C13orf42: variants seen among roughly 807,000 people sequenced by gnomAD.
C13orf42 encodes chromosome 13 open reading frame 42.
intron 1 of C13orf42, among the ~76,000 whole-genome samples, chr13:51,099,340 G>C (rs1170991350): frequency 6.6e-6 from 1 of 151,958 alleles, no homozygotes; most frequent in East Asian, 1.9e-4. Flanking sequence ...AAATACATAG[G>C]CACACATAGC....
chr13:51,139,147 T>C (rs920623655), intron 1 of C13orf42, among the ~76,000 whole-genome samples: 6 of 151,944 alleles, frequency 3.9e-5, no homozygotes, highest in Admixed American at 3.3e-4. Flanking sequence ...TGAAACCCCG[T>C]CTCTACTAAA....
At position 51,132,214 on chromosome 13, in the gene C13orf42, G is replaced by A. The variant is rs965135508; in HGVS notation, n.137-18992C>T. On this transcript the variant is annotated intron_variant and non_coding_transcript_variant, in intron 1 of 4. Transcript: ENST00000433280. ...TCCCAGCACTTTGGGAGGCCGAGGCGGGCAGATCACAAGGTCAGGAGATCG... is the reference window on the plus strand; with the variant it reads ...TCCCAGCACTTTGGGAGGCCGAGGCAGGCAGATCACAAGGTCAGGAGATCG... Among the ~76,000 whole-genome samples, 14 of 152,228 alleles carry A rather than the reference G, an allele frequency of 9.2e-5. No homozygotes were observed. The East Asian group carries it at 1.4e-3, about 15-fold the overall frequency.
intron 1 of C13orf42, among the ~76,000 whole-genome samples, chr13:51,096,754 A>G (rs1325277548): frequency 3.9e-5 from 6 of 152,132 alleles, no homozygotes; most frequent in Non-Finnish European, 8.8e-5. Flanking sequence ...TGACTTCGTA[A>G]TTTGTTAGAT....
At chr13:51,117,816 G>A (rs1953504244) in intron 1 of C13orf42, among the ~76,000 whole-genome samples, 1 of 152,158 alleles carries the variant, frequency 6.6e-6, no homozygotes, top group Admixed American at 6.5e-5. Context: ...ACAGTGCAGA[G>A]GAAGCTAATC....
upstream of C13orf42, among the ~76,000 whole-genome samples, chr13:51,113,472 G>C (rs1953454626): frequency 6.6e-6 from 1 of 152,304 alleles, no homozygotes; most frequent in South Asian, 2.1e-4. Flanking sequence ...ATCCAGAATA[G>C]TGACTGCCTT....
rs192078813 is a variant in C13orf42 at position 51,145,249 on chromosome 13, T to G, written n.136+27004A>C. On this transcript the variant is annotated intron_variant and non_coding_transcript_variant, in intron 1 of 4. Transcript: ENST00000433280. ...CTTAAGCTTCAGAAGAAAATAACAGTAACCTATTTACATACATAAGCCACT... is the reference window on the plus strand; with the variant it reads ...CTTAAGCTTCAGAAGAAAATAACAGGAACCTATTTACATACATAAGCCACT... Among the ~76,000 whole-genome samples the G allele has an allele frequency of 7.5e-3, 1,141 of 152,320 alleles. 12 individuals carry two copies. The highest frequency in any genetic ancestry group is 0.013 in the South Asian group (65 of 4,828).
At chr13:51,091,248 C>A (rs1398611261) in intron 1 of C13orf42, among the ~76,000 whole-genome samples, 2 of 152,146 alleles carry the variant, frequency 1.3e-5, no homozygotes, top group Non-Finnish European at 2.9e-5. Flanking sequence ...TCTTTTGGAT[C>A]CTGCTGTGGC....
intron 1 of C13orf42, among the ~76,000 whole-genome samples, chr13:51,151,951 G>T (rs183996821): frequency 3.9e-5 from 6 of 152,284 alleles, no homozygotes; most frequent in Non-Finnish European, 7.4e-5. Flanking sequence ...TATGGTCCAG[G>T]AGTCACGTGG....
At chr13:51,144,677 G>C (rs150366180) in intron 1 of C13orf42, among the ~76,000 whole-genome samples, 55 of 152,294 alleles carry the variant, frequency 3.6e-4, no homozygotes, top group African/African-American at 1.3e-3. Context: ...CAGGGTTTGT[G>C]ACCTGTGGTA....
At chr13:51,145,393 C>T (rs1329204927) in intron 1 of C13orf42, among the ~76,000 whole-genome samples, 2 of 152,090 alleles carry the variant, frequency 1.3e-5, no homozygotes, top group Non-Finnish European at 2.9e-5. Flanking sequence ...TTTCTCTTCA[C>T]AGGACATGAG....
rs1202370498 is a variant in C13orf42, at chr13:51,153,621, G to GTTTTTTTTTTTTTTTT, written n.136+18631_136+18632insAAAAAAAAAAAAAAAA. On this transcript the variant is annotated intron_variant and non_coding_transcript_variant, in intron 1 of 4. Transcript: ENST00000433280. Reference sequence around the variant, plus strand: ...TTATCAACCCATTTTCTTGCTTTCTGTTTTTTTTCTTTTTTTTTTTTTTTT... The same window carrying GTTTTTTTTTTTTTTTT: ...TTATCAACCCATTTTCTTGCTTTCTGTTTTTTTTTTTTTTTTTTTTTTTTCTTTTTTTTTTTTTTTT... Among the ~76,000 whole-genome samples the GTTTTTTTTTTTTTTTT allele has an allele frequency of 1.3e-3, 107 of 81,978 alleles. 4 individuals are homozygous for GTTTTTTTTTTTTTTTT. Among genetic ancestry groups the GTTTTTTTTTTTTTTTT allele is most frequent in the East Asian group, 2.4e-3 (7 of 2,944 alleles). 53.8% of individuals were successfully genotyped at this position (81,978 alleles called of 152,430 possible). A position where few individuals can be genotyped will look rare whatever the true frequency, so the allele number is the denominator to read the frequency against.
At chr13:51,138,925 A>G (rs1351715625) in intron 1 of C13orf42, among the ~76,000 whole-genome samples, 1 of 152,258 alleles carries the variant, frequency 6.6e-6, no homozygotes, top group Non-Finnish European at 1.5e-5. Context: ...GCAACATGCA[A>G]CAATGTGGAT....
rs147883672 is a variant in C13orf42 at position 51,122,120 on chromosome 13, A to G, written n.137-8898T>C. Among the ~76,000 whole-genome samples, 355 of 152,298 alleles carry G rather than the reference A, an allele frequency of 2.3e-3. 2 individuals carry two copies. Among genetic ancestry groups the G allele is most frequent in the Middle Eastern group, 0.014 (4 of 294 alleles). On this transcript the variant is annotated intron_variant and non_coding_transcript_variant, in intron 1 of 4. Transcript: ENST00000433280. ...AAATATTTTTAGTATATTAAGAGAA[A>G]AAGGAAGGTTGAAAATATACAAATA...
At position 51,085,539 on chromosome 13, in the gene C13orf42, G is replaced by A; in HGVS notation, c.583C>T (p.His195Tyr). ...DFDVATSSRE[H>Y]SLHSNWILRA... ...AGGATCCAGTTAGAATGCAAGCTGTGCTCCCTGGAGCTGGTGGCCACTAGA... is the reference window on the plus strand; with the variant it reads ...AGGATCCAGTTAGAATGCAAGCTGTACTCCCTGGAGCTGGTGGCCACTAGA... The change falls in exon 3 of 4, where the codon CAC (histidine) becomes TAC (tyrosine). Residue 195 changes from histidine (H) to tyrosine (Y), a missense_variant. Physicochemically the swap from His to Tyr is moderately conservative, Grantham distance 83 (BLOSUM62 2). Transcript: ENST00000563710. The A allele has an allele frequency of 2.5e-6, 1 of 398,812 alleles. No homozygotes were observed. Among genetic ancestry groups the A allele is most frequent in the Non-Finnish European group, 4.4e-6 (1 of 226,202 alleles). 24.7% of individuals were successfully genotyped at this position (398,812 alleles called of 1,614,324 possible).
At chr13:51,127,662 A>C (rs754444053) in intron 1 of C13orf42, among the ~76,000 whole-genome samples, 8 of 152,262 alleles carry the variant, frequency 5.3e-5, no homozygotes, top group Non-Finnish European at 1.0e-4. Context: ...GAAATATGTT[A>C]ATAATTTAAA....
intron 1 of C13orf42, among the ~76,000 whole-genome samples, chr13:51,126,789 A>T (rs1381691343): frequency 6.6e-6 from 1 of 152,228 alleles, no homozygotes; most frequent in Non-Finnish European, 1.5e-5. Context: ...TTGATGGACC[A>T]AGGCCAATGC....
At chr13:51,170,693 C>A (rs1372822480) in intron 1 of C13orf42, among the ~76,000 whole-genome samples, 1 of 152,168 alleles carries the variant, frequency 6.6e-6, no homozygotes, top group Non-Finnish European at 1.5e-5. Flanking sequence ...TGCAGGGACA[C>A]CTCTCTGATT....
intron 1 of C13orf42, among the ~76,000 whole-genome samples, chr13:51,169,519 G>A (rs1251826523): frequency 6.6e-6 from 1 of 152,208 alleles, no homozygotes; most frequent in Admixed American, 6.5e-5. Flanking sequence ...TAGGGAAAAT[G>A]CCTCAAAGGC....
At chr13:51,149,136 G>A (rs993153007) in intron 1 of C13orf42, among the ~76,000 whole-genome samples, 1 of 152,106 alleles carries the variant, frequency 6.6e-6, no homozygotes, top group Non-Finnish European at 1.5e-5. Context: ...ATTTCAGTCC[G>A]TCACTGCGGT....
Sources: allele counts gnomAD v4.1 joint callset (sites outside exome capture counted in the v4.1 genomes callset), GRCh38; gene constraint gnomAD v4.1.1; transcripts MANE v1.5; gene names NCBI Gene and HGNC (gene_info 2026-07-23, HGNC 2026-07-21).